Variants in LRRC4C observed in about 807,000 individuals in gnomAD.
LRRC4C encodes the protein leucine rich repeat containing 4C.
In LRRC4C, 5 loss-of-function variants were observed where a neutral mutation model predicts 33.6. That is an observed-to-expected ratio of 0.15 (90% CI 0.08 to 0.31). The LOEUF (loss-of-function observed/expected upper bound fraction) is 0.31, where lower values mean the gene tolerates loss of function less well. Ranked by LOEUF, LRRC4C falls within the 10% of genes least tolerant of loss-of-function variation. The probability of loss-of-function intolerance (pLI) is 1.00; values close to 1 mark genes in which losing one functional copy is unlikely to be tolerated. For missense variants in LRRC4C, 560 were observed against 796.7 expected, an observed-to-expected ratio of 0.70 and a Z score of 3.58; for synonymous variants, 329 against 302.0, an observed-to-expected ratio of 1.09 and a Z score of -0.93.
At chr11:41,415,747 ACT>A (rs1399287230) in intron 1 of LRRC4C, among the ~76,000 whole-genome samples, 1 of 152,142 alleles carries the variant, frequency 6.6e-6, no homozygotes, top group African/African-American at 2.4e-5. Flanking sequence ...CGTTTGCAAC[ACT>A]GATATTCTGT....
intron 1 of LRRC4C, among the ~76,000 whole-genome samples, chr11:41,246,461 A>G (rs754587972): frequency 3.3e-5 from 5 of 152,158 alleles, no homozygotes; most frequent in Non-Finnish European, 5.9e-5. Flanking sequence ...CTGAGAGTGC[A>G]GAGATGCCCC....
intron 2 of LRRC4C, among the ~76,000 whole-genome samples, chr11:40,705,274 G>A (rs1170745303): frequency 6.6e-6 from 1 of 152,066 alleles, no homozygotes; most frequent in South Asian, 2.1e-4. Flanking sequence ...TGTTACGTAT[G>A]TATATATGTG....
intron 1 of LRRC4C, among the ~76,000 whole-genome samples, chr11:41,029,922 G>A (rs1856607814): frequency 6.6e-6 from 1 of 151,826 alleles, no homozygotes; most frequent in Non-Finnish European, 1.5e-5. Flanking sequence ...GGAAGAAAGT[G>A]AGAAAATAGG....
chr11:40,605,131 G>T (rs920993140), intron 3 of LRRC4C, among the ~76,000 whole-genome samples: 4 of 152,234 alleles, frequency 2.6e-5, no homozygotes, highest in African/African-American at 7.2e-5. Flanking sequence ...TGGAAATTGA[G>T]GGTGAGAGAT....
At chr11:40,364,574 G>T (rs564342236) in intron 3 of LRRC4C, among the ~76,000 whole-genome samples, 1 of 152,140 alleles carries the variant, frequency 6.6e-6, no homozygotes, top group East Asian at 1.9e-4. Context: ...ATACAAATTA[G>T]CAATGAGATG....
chr11:40,128,519 G>C (rs1340089384), intron 6 of LRRC4C, among the ~76,000 whole-genome samples: 1 of 152,106 alleles, frequency 6.6e-6, no homozygotes, highest in Non-Finnish European at 1.5e-5. Flanking sequence ...AGAGTATTTA[G>C]ATTGAATTTT....
At chr11:41,230,003 CTCTT>C (rs749806109) in intron 1 of LRRC4C, among the ~76,000 whole-genome samples, 9 of 151,786 alleles carry the variant, frequency 5.9e-5, no homozygotes, top group East Asian at 1.9e-4. Context: ...GTCCTTTTTG[CTCTT>C]TCTATTTCAT....
chr11:41,392,331 C>T (rs1429609705), intron 1 of LRRC4C, among the ~76,000 whole-genome samples: 2 of 151,722 alleles, frequency 1.3e-5, no homozygotes, highest in Admixed American at 6.6e-5. Flanking sequence ...TGTTTTTGTA[C>T]AAGTGTTTAA....
chr11:40,841,708 C>T (rs893260054), intron 2 of LRRC4C, among the ~76,000 whole-genome samples: 5 of 152,128 alleles, frequency 3.3e-5, no homozygotes, highest in African/African-American at 1.2e-4. Context: ...TTTGACAGCC[C>T]TAATAGAATA....
At chr11:40,439,801 A>G (rs1951311297) in intron 3 of LRRC4C, among the ~76,000 whole-genome samples, 1 of 152,294 alleles carries the variant, frequency 6.6e-6, no homozygotes, top group Non-Finnish European at 1.5e-5. Context: ...ACTAACATTT[A>G]AAAATGCAAA....
In LRRC4C at chr11:40,258,246, C is replaced by A. The variant is rs185975774; in HGVS notation, c.-175-16648G>T. 3.0e-3 allele frequency among the ~76,000 whole-genome samples: 464 copies of A among 152,216 alleles called. 4 individuals are homozygous for A. The highest frequency in any genetic ancestry group is 5.3e-3 in the Non-Finnish European group (360 of 68,004). ...TTTGGATCCAATCTAAATGCTCAGA[C>A]ATTTGTATGAATGTGCCTCAGCCAT... On this transcript the variant is annotated intron_variant, in intron 4 of 6. Transcript: ENST00000528697.
chr11:40,407,520 T>C (rs971899384), intron 3 of LRRC4C, among the ~76,000 whole-genome samples: 1 of 152,118 alleles, frequency 6.6e-6, no homozygotes, highest in African/African-American at 2.4e-5. Flanking sequence ...TGAGGGCTGG[T>C]CATTCATCCT....
chr11:40,500,353 T>C (rs1255838171), intron 3 of LRRC4C, among the ~76,000 whole-genome samples: 1 of 148,248 alleles, frequency 6.7e-6, no homozygotes, highest in Non-Finnish European at 1.5e-5. Context: ...ATATACACAT[T>C]ATATATATAT....
chr11:40,809,590 CT>C (rs1951399039), intron 2 of LRRC4C, among the ~76,000 whole-genome samples: 1 of 152,024 alleles, frequency 6.6e-6, no homozygotes, highest in South Asian at 2.1e-4. Context: ...TCTGTTTCCC[CT>C]CCTCCACACA....
At chr11:40,801,709 A>T (rs1175941536) in intron 2 of LRRC4C, among the ~76,000 whole-genome samples, 1 of 152,178 alleles carries the variant, frequency 6.6e-6, no homozygotes, top group Non-Finnish European at 1.5e-5. Flanking sequence ...TTCAAAATCT[A>T]TGCAATTGTC....
intron 1 of LRRC4C, among the ~76,000 whole-genome samples, chr11:41,123,267 T>TG (rs1565404122): frequency 5.0e-4 from 36 of 71,970 alleles, no homozygotes; most frequent in African/African-American, 2.1e-3. Flanking sequence ...TTTTGTTTTT[T>TG]TTTTTTTTTT....
At chr11:40,644,549 C>T (rs1250833258) in intron 3 of LRRC4C, among the ~76,000 whole-genome samples, 1 of 152,112 alleles carries the variant, frequency 6.6e-6, no homozygotes, top group African/African-American at 2.4e-5. Context: ...AATAATTAAA[C>T]AAACTGTGGT....
chr11:40,627,308 C>T (rs1313283499), intron 3 of LRRC4C, among the ~76,000 whole-genome samples: 1 of 150,538 alleles, frequency 6.6e-6, no homozygotes, highest in Non-Finnish European at 1.5e-5. Flanking sequence ...AGTCAGTCAT[C>T]ATTAATTAAA....
intron 2 of LRRC4C, among the ~76,000 whole-genome samples, chr11:40,718,200 T>A (rs774310214): frequency 6.6e-6 from 1 of 152,184 alleles, no homozygotes; most frequent in Non-Finnish European, 1.5e-5. Context: ...CATGAGTGAT[T>A]TTGTTCACCA....
Sources: gnomAD v4.1 joint callset for allele counts (sites outside exome capture counted in the v4.1 genomes callset) on GRCh38, gnomAD v4.1.1 for gene constraint, MANE v1.5 for transcripts, NCBI Gene and HGNC (gene_info 2026-07-23, HGNC 2026-07-21) for gene names.